Variants in GPR155 observed in about 807,000 individuals in gnomAD.
GPR155 encodes G protein-coupled receptor 155.
A neutral mutation model predicts 93.1 loss-of-function variants in GPR155; 65 were observed. The ratio of observed to expected loss-of-function variants is 0.70; its 90% CI spans 0.57 to 0.86. GPR155 has a LOEUF of 0.86. Among genes scored for constraint, GPR155 ranks in the 40% least tolerant of loss-of-function variants. GPR155 has a pLI of 0.00. For synonymous variants in GPR155, 319 were observed against 360.1 expected, an observed-to-expected ratio of 0.89 and a Z score of 1.29; for missense variants, 838 against 1,034.8, an observed-to-expected ratio of 0.81 and a Z score of 2.61.
Position 174,473,084 on chromosome 2 carries a change from T to G in GPR155, c.741A>C (p.Gly247=). The G allele has an allele frequency of 6.2e-7, 1 of 1,601,030 alleles. No homozygotes were observed. Among genetic ancestry groups the G allele is most frequent in the Non-Finnish European group, 8.5e-7 (1 of 1,177,170 alleles). The change falls in exon 3 of 16, where the codon GGA becomes GGC. Residue 247 remains glycine, a synonymous_variant. Transcript: ENST00000392552. ...CTGATCCAGAAAAAGAATTTCCAAG[T>G]CCATCAAGAAAATTTTCGACATATA... ...VPVYVENFLD[G]LGNSFSGSAL...
intron 11 of GPR155, among the ~76,000 whole-genome samples, chr2:174,449,834 G>A (rs1474896883): frequency 6.6e-6 from 1 of 152,076 alleles, no homozygotes; most frequent in African/African-American, 2.4e-5. Flanking sequence ...AAATTAGCCG[G>A]GCATGGTGGC....
chr2:174,458,288 T>C (rs1395155754), intron 10 of GPR155, among the ~76,000 whole-genome samples: 2 of 152,184 alleles, frequency 1.3e-5, no homozygotes, highest in Non-Finnish European at 2.9e-5. Context: ...CCTAGGACCA[T>C]GGTAACTGGA....
At chr2:174,455,441 G>A (rs1687488516) in intron 10 of GPR155, among the ~76,000 whole-genome samples, 2 of 152,192 alleles carry the variant, frequency 1.3e-5, no homozygotes, top group African/African-American at 4.8e-5. Flanking sequence ...GGCATCACGG[G>A]CACTGCAAGG....
At position 174,454,207 on chromosome 2, in the gene GPR155, G is replaced by A. The variant is rs187234825; in HGVS notation, c.1772-366C>T. 2.5e-3 allele frequency among the ~76,000 whole-genome samples: 378 copies of A among 152,084 alleles called. 6 individuals are homozygous for A. The highest frequency in any genetic ancestry group is 7.1e-4 in the Non-Finnish European group (48 of 67,992). On this transcript the variant is annotated intron_variant, in intron 10 of 15. Coordinates refer to ENST00000392552, the MANE Select transcript of GPR155 (RefSeq NM_152529.7). ...GGCTGGAGTGCAGTGGCGCAATCTC[G>A]GCTCACTGCAACCTCCGCCTCCTGG... is the stretch of plus-strand genomic sequence containing the variant.
chr2:174,481,451 T>G (rs1688316177), intron 2 of GPR155, 46 bp downstream of exon 2: 1 of 1,223,642 alleles, frequency 8.2e-7, no homozygotes, highest in Non-Finnish European at 1.1e-6. Context: ...CCTAAATAAA[T>G]TAAAATTGAA....
At chr2:174,448,521 TTGTTTTTTG>T (rs1655796755) in intron 11 of GPR155, among the ~76,000 whole-genome samples, 1 of 113,914 alleles carries the variant, frequency 8.8e-6, no homozygotes, top group African/African-American at 3.7e-5. Context: ...TTTTTGTTTT[TTGTTTTTTG>T]TTTTTTTTTT....
At chr2:174,439,052 G>T (rs1468479984) in intron 15 of GPR155, among the ~76,000 whole-genome samples, 2 of 152,136 alleles carry the variant, frequency 1.3e-5, no homozygotes, top group Non-Finnish European at 2.9e-5. Context: ...CGGCAGTTCA[G>T]GAGCTGAGTT....
chr2:174,458,881 A>C (rs1687598426), intron 10 of GPR155, among the ~76,000 whole-genome samples: 1 of 152,112 alleles, frequency 6.6e-6, no homozygotes, highest in Non-Finnish European at 1.5e-5. Flanking sequence ...TGAGGTCAGG[A>C]GTTCTAGACC....
chr2:174,481,896 G>C lies in GPR155; in HGVS notation c.61C>G (p.Pro21Ala). ...TTAAATCCATGCGTTACTGCTGTAG[G>C]CAAAGTCTTGGTCATATTGACTGCA... ...TIAVNMTKTL[P>A]TAVTHGFNST... Residue 21 changes from proline (P) to alanine (A), a missense_variant, in exon 2 of 16, where the codon CCT becomes GCT. Physicochemically the swap from Pro to Ala is conservative, Grantham distance 27 (BLOSUM62 -1). This residue lies in a region of GPR155 where 663 missense variants were observed against 790.1 expected (regional missense o/e 0.84). Transcript: ENST00000392552. 1 of 1,614,066 alleles carries C rather than the reference G, an allele frequency of 6.2e-7. No homozygotes were observed. The highest frequency in any genetic ancestry group is 8.5e-7 in the Non-Finnish European group (1 of 1,179,974).
rs148491254 is a variant in GPR155, at chr2:174,442,970, A to C, written c.2110-787T>G. ...AGTTGTGGGGCAGCATTTTAAATGC[A>C]ACATTCCTGGCATTAGCTGCTGTTG... On this transcript the variant is annotated intron_variant, in intron 13 of 15. Coordinates refer to ENST00000392552, the MANE Select transcript of GPR155 (RefSeq NM_152529.7). Among the ~76,000 whole-genome samples the C allele has an allele frequency of 1.8e-4, 28 of 152,350 alleles. No homozygotes were observed. In the East Asian group the frequency reaches 4.6e-3, roughly 25 times the overall value.
chr2:174,477,538 A>G (rs1454271623), intron 2 of GPR155, among the ~76,000 whole-genome samples: 1 of 152,222 alleles, frequency 6.6e-6, no homozygotes, highest in Non-Finnish European at 1.5e-5. Context: ...TTGTGATTAA[A>G]TAAATACATG....
At chr2:174,471,371 G>T (rs1409716507) in intron 3 of GPR155, among the ~76,000 whole-genome samples, 2 of 147,988 alleles carry the variant, frequency 1.4e-5, no homozygotes, top group African/African-American at 2.5e-5. Context: ...CTCCAGCCTG[G>T]GTGACACAGC....
intron 1 of GPR155, 33 bp from the exon 2 acceptor site, chr2:174,482,020 C>G: frequency 9.1e-7 from 1 of 1,099,120 alleles, no homozygotes; most frequent in Non-Finnish European, 1.3e-6. Flanking sequence ...TCAGTATGGC[C>G]ATCAACAAGA....
chr2:174,437,909 A>T (rs567703757), intron 15 of GPR155, among the ~76,000 whole-genome samples: 80 of 151,802 alleles, frequency 5.3e-4, no homozygotes, highest in African/African-American at 1.8e-3. Context: ...TCTATTCCAG[A>T]CACCAACAGA....
At chr2:174,443,521 G>A (rs1404337057) in intron 13 of GPR155, among the ~76,000 whole-genome samples, 1 of 152,144 alleles carries the variant, frequency 6.6e-6, no homozygotes, top group Non-Finnish European at 1.5e-5. Context: ...TTGAGGTCAG[G>A]AGTTCAAGAC....
chr2:174,458,325 A>G, intron 10 of GPR155, among the ~76,000 whole-genome samples: 1 of 152,188 alleles, frequency 6.6e-6, no homozygotes, highest in East Asian at 1.9e-4. Flanking sequence ...TAAGCATCCC[A>G]TTTTAAGAGG....
chr2:174,449,530 G>A (rs2105686132), intron 11 of GPR155, among the ~76,000 whole-genome samples: 1 of 152,316 alleles, frequency 6.6e-6, no homozygotes, highest in East Asian at 1.9e-4. Context: ...TATATACCAT[G>A]GAATACTATG....
At chr2:174,483,438 A>G (rs2105744194) in intron 1 of GPR155, among the ~76,000 whole-genome samples, 1 of 152,372 alleles carries the variant, frequency 6.6e-6, no homozygotes, top group South Asian at 2.1e-4. Flanking sequence ...ATGCTAAAGC[A>G]TGGAACAAAT....
rs1168112699 is a variant in GPR155, at chr2:174,470,428, C to A, written c.988G>T (p.Ala330Ser). Reference sequence around the variant, plus strand: ...ATGTTGAATTGTGTTGCAAAGATAGCCACTCCTGGTGCTACAGGAAATACA... The same window carrying A: ...ATGTTGAATTGTGTTGCAAAGATAGACACTCCTGGTGCTACAGGAAATACA... Reference protein sequence around the residue: ...YGVFPVAPGVAIFATQFNMEV... With the variant: ...YGVFPVAPGVSIFATQFNMEV... The change falls in exon 4 of 16, where the codon GCT (alanine) becomes TCT (serine). Residue 330 changes from alanine to serine, a missense_variant. Physicochemically the swap from Ala to Ser is moderately conservative, Grantham distance 99. Transcript: ENST00000392552. 2.5e-6 allele frequency: 4 copies of A among 1,613,118 alleles called. No individual in the cohort carries two copies. The highest frequency in any genetic ancestry group is 1.3e-5 in the African/African-American group (1 of 74,984).
Sources: gnomAD v4.1 joint callset for allele counts (sites outside exome capture counted in the v4.1 genomes callset) on GRCh38, gnomAD v4.1.1 for gene constraint, gnomAD v4.1.1 regional missense constraint, MANE v1.5 for transcripts, NCBI Gene and HGNC (gene_info 2026-07-23, HGNC 2026-07-21) for gene names.